Variants in CHST9 observed in about 807,000 individuals in gnomAD.
The protein encoded by CHST9 is GalNAc-4-sulfotransferase 2.
Under a neutral mutation model 44.4 loss-of-function variants are expected in CHST9, and 41 were observed. The observed-to-expected ratio is 0.92, with a 90% confidence interval of 0.72 to 1.20. CHST9 has a LOEUF of 1.20. Among genes scored for constraint, CHST9 ranks in the 50% most tolerant of loss-of-function variants. The probability of loss-of-function intolerance (pLI) is 0.00; values close to 1 mark genes in which losing one functional copy is unlikely to be tolerated. For synonymous variants in CHST9, 171 were observed against 178.4 expected, an observed-to-expected ratio of 0.96 and a Z score of 0.33; for missense variants, 504 against 516.5, an observed-to-expected ratio of 0.98 and a Z score of 0.23.
intron 1 of CHST9, among the ~76,000 whole-genome samples, chr18:27,161,613 G>A (rs560812775): frequency 5.9e-5 from 9 of 152,184 alleles, no homozygotes; most frequent in Non-Finnish European, 1.0e-4. Context: ...GAGTTCTGTA[G>A]ATGTCTATTA....
chr18:27,128,519 C>T (rs760246106), intron 2 of CHST9, among the ~76,000 whole-genome samples: 11 of 152,328 alleles, frequency 7.2e-5, no homozygotes, highest in Non-Finnish European at 5.9e-5. Context: ...CCACCCGCCT[C>T]GGCCTCCCAA....
chr18:26,934,526 G>T (rs900647657), intron 5 of CHST9: 1 of 152,194 alleles, frequency 6.6e-6, no homozygotes, highest in Non-Finnish European at 1.5e-5. Context: ...GAGCCACCGC[G>T]CCCGGCCGTA....
chr18:27,063,785 A>T (rs1414376427), intron 2 of CHST9, among the ~76,000 whole-genome samples: 1 of 149,348 alleles, frequency 6.7e-6, no homozygotes, highest in Admixed American at 6.6e-5. Flanking sequence ...AAGTTATGAG[A>T]TTATTTGCAT....
chr18:26,961,544 T>C (rs540541194), intron 4 of CHST9, among the ~76,000 whole-genome samples: 1 of 152,108 alleles, frequency 6.6e-6, no homozygotes, highest in African/African-American at 2.4e-5. Context: ...ATCCCTCCAA[T>C]TCAGCCTCCA....
intron 1 of CHST9, among the ~76,000 whole-genome samples, chr18:27,176,486 T>C (rs759439975): frequency 6.6e-6 from 1 of 151,998 alleles, no homozygotes; most frequent in East Asian, 1.9e-4. Context: ...GGAGAAGTAA[T>C]GTCAAGATTA....
chr18:26,936,952 C>A (rs2056003892), intron 5 of CHST9, among the ~76,000 whole-genome samples: 1 of 152,114 alleles, frequency 6.6e-6, no homozygotes, highest in Non-Finnish European at 1.5e-5. Flanking sequence ...CACATGGGTA[C>A]ATACACAATG....
intron 2 of CHST9, among the ~76,000 whole-genome samples, chr18:27,102,337 A>G (rs1360618924): frequency 5.3e-5 from 8 of 152,332 alleles, no homozygotes; most frequent in Non-Finnish European, 1.2e-4. Flanking sequence ...GAACAGATTG[A>G]TGGCCATGGC....
In CHST9 at chr18:26,916,955, G is replaced by A. The variant is rs1413970072; in HGVS notation, c.636C>T (p.His212=). The A allele has an allele frequency of 6.2e-7, 1 of 1,613,624 alleles. No homozygotes were observed. The highest frequency in any genetic ancestry group is 8.5e-7 in the Non-Finnish European group (1 of 1,179,820). Residue 212 remains histidine, a synonymous_variant, in exon 6 of 6, where the codon CAC becomes CAT. Coordinates refer to ENST00000618847, the MANE Select transcript of CHST9 (RefSeq NM_031422.6). ...TVSRIYVEDK[H]KILYCEVPKA... is the part of the protein sequence containing the mutation. Reference sequence around the variant, plus strand: ...TAGGTACCTCACAATATAAGATTTTGTGTTTATCTTCTACATAGATTCTGG... The same window carrying A: ...TAGGTACCTCACAATATAAGATTTTATGTTTATCTTCTACATAGATTCTGG...
chr18:27,100,503 G>A (rs905385056), intron 2 of CHST9, among the ~76,000 whole-genome samples: 1 of 152,200 alleles, frequency 6.6e-6, no homozygotes. Context: ...AAGAATAAGA[G>A]TGGGTATGGA....
chr18:27,031,385 CCCCCCA>C (rs1171023371), intron 3 of CHST9, among the ~76,000 whole-genome samples: 1 of 151,860 alleles, frequency 6.6e-6, no homozygotes, highest in African/African-American at 2.4e-5. Context: ...TTTGACATAT[CCCCCCA>C]CCATCTCCTC....
At chr18:27,046,665 A>C (rs547461900) in intron 3 of CHST9, among the ~76,000 whole-genome samples, 1 of 152,212 alleles carries the variant, frequency 6.6e-6, no homozygotes, top group Non-Finnish European at 1.5e-5. Context: ...TGATTGTAGT[A>C]TTTATGACTA....
intron 4 of CHST9, among the ~76,000 whole-genome samples, chr18:27,013,583 C>A (rs978283178): frequency 6.6e-6 from 1 of 152,090 alleles, no homozygotes; most frequent in African/African-American, 2.4e-5. Flanking sequence ...GAAAGGGCTC[C>A]TTGACTTAAA....
intron 2 of CHST9, among the ~76,000 whole-genome samples, chr18:27,065,229 G>A (rs1396609473): frequency 2.6e-5 from 4 of 152,270 alleles, no homozygotes; most frequent in East Asian, 1.9e-4. Flanking sequence ...AAGAATCTTC[G>A]AGGTATTTTG....
intron 4 of CHST9, among the ~76,000 whole-genome samples, chr18:27,007,625 G>T (rs1371389743): frequency 1.3e-5 from 2 of 152,310 alleles, no homozygotes; most frequent in Non-Finnish European, 2.9e-5. Flanking sequence ...AAACTCAAAG[G>T]GATGGAAAAG....
Position 27,072,918 on chromosome 18 carries a change from C to T in CHST9, c.122-24415G>A, listed in dbSNP as rs1265583983. 2.0e-5 allele frequency among the ~76,000 whole-genome samples: 3 copies of T among 152,078 alleles called. No homozygotes were observed. The East Asian group carries it at 5.8e-4, about 29-fold the overall frequency. On this transcript the variant is annotated intron_variant, in intron 2 of 5. Coordinates refer to ENST00000618847, the MANE Select transcript of CHST9 (RefSeq NM_031422.6). The stretch of plus-strand genomic sequence containing the variant: ...GGGGGACAAGCCGCAGTATGATTAC[C>T]AGGAACTCATTAGTTATGAAGAGTC...
chr18:26,944,978 T>C (rs928840697), intron 4 of CHST9, among the ~76,000 whole-genome samples: 1 of 152,110 alleles, frequency 6.6e-6, no homozygotes, highest in Non-Finnish European at 1.5e-5. Context: ...AAAATAAGGA[T>C]TCTAATATAA....
chr18:27,031,805 C>G (rs990473538), intron 3 of CHST9, among the ~76,000 whole-genome samples: 1 of 152,166 alleles, frequency 6.6e-6, no homozygotes, highest in African/African-American at 2.4e-5. Flanking sequence ...ATAGATTCTT[C>G]AAGATCTAAG....
At chr18:27,154,252 T>G (rs1368501017) in intron 1 of CHST9, among the ~76,000 whole-genome samples, 1 of 152,170 alleles carries the variant, frequency 6.6e-6, no homozygotes, top group Non-Finnish European at 1.5e-5. Context: ...TCGGTGCTAC[T>G]ACTCTAAGCA....
chr18:26,982,372 G>A (rs1396055057), intron 4 of CHST9, among the ~76,000 whole-genome samples: 1 of 144,810 alleles, frequency 6.9e-6, no homozygotes, highest in South Asian at 2.2e-4. Flanking sequence ...TGCTTTGCAA[G>A]TGCCCCTAAG....
Sources: allele counts gnomAD v4.1 joint callset (sites outside exome capture counted in the v4.1 genomes callset), GRCh38; gene constraint gnomAD v4.1.1; transcripts MANE v1.5; gene names NCBI Gene and HGNC (gene_info 2026-07-23, HGNC 2026-07-21).